The following CSMD1 variants were observed in gnomAD, a reference collection of about 807,000 sequenced individuals.
CSMD1 encodes CUB and sushi domain-containing protein 1.
A neutral mutation model predicts 417.5 loss-of-function variants in CSMD1; 213 were observed. The ratio of observed to expected loss-of-function variants is 0.51; its 90% CI spans 0.46 to 0.57. The LOEUF is 0.57. Ranked by LOEUF, CSMD1 falls within the 20% of genes least tolerant of loss-of-function variation. The probability of loss-of-function intolerance (pLI) is 0.00; values close to 1 mark genes in which losing one functional copy is unlikely to be tolerated. For missense variants in CSMD1, 6,923 were observed against 4,529.7 expected (o/e 1.53, Z -15.17); for synonymous variants, 2,862 against 1,736.8 (o/e 1.65, Z -16.11).
intron 2 of CSMD1, among the ~76,000 whole-genome samples, chr8:4,489,309 T>C (rs41378144): frequency 0.083 from 12,674 of 152,306 alleles, 779 homozygotes; most frequent in South Asian, 0.2. Flanking sequence ...GTCTCAAAGA[T>C]TCAATGCATA....
intron 10 of CSMD1, among the ~76,000 whole-genome samples, chr8:3,501,751 C>T (rs776087612): frequency 3.3e-5 from 5 of 152,142 alleles, no homozygotes; most frequent in Admixed American, 6.6e-5. Context: ...GCAAGAAGAA[C>T]GATTACACAT....
intron 3 of CSMD1, among the ~76,000 whole-genome samples, chr8:4,316,424 T>C (rs1798932704): frequency 6.6e-6 from 1 of 152,208 alleles, no homozygotes; most frequent in Non-Finnish European, 1.5e-5. Context: ...CTTCATATAT[T>C]AGGTTGATGT....
intron 8 of CSMD1, among the ~76,000 whole-genome samples, chr8:3,609,622 G>A (rs941782933): frequency 4.0e-5 from 6 of 151,610 alleles, no homozygotes; most frequent in South Asian, 2.1e-4. Flanking sequence ...TAACAAAACA[G>A]CCCCAAGTTA....
intron 3 of CSMD1, among the ~76,000 whole-genome samples, chr8:4,377,173 C>A (rs1434171848): frequency 6.6e-6 from 1 of 152,106 alleles, no homozygotes; most frequent in Admixed American, 6.5e-5. Context: ...GATTATAGTG[C>A]ATGGAATTGA....
At chr8:3,346,492 G>A (rs189059092) in intron 22 of CSMD1, among the ~76,000 whole-genome samples, 1 of 152,306 alleles carries the variant, frequency 6.6e-6, no homozygotes, top group African/African-American at 2.4e-5. Context: ...ACTTCTTCAT[G>A]ACAGTCCCTC....
At chr8:3,320,666 G>A (rs536618092) in intron 23 of CSMD1, among the ~76,000 whole-genome samples, 42 of 152,298 alleles carry the variant, frequency 2.8e-4, no homozygotes, top group Middle Eastern at 3.4e-3. Flanking sequence ...ACGCAAGAGC[G>A]CAGTTCCTCC....
chr8:4,815,737 T>C lies in CSMD1; in HGVS notation c.86-178179A>G, dbSNP rs188237192. Among the ~76,000 whole-genome samples, 29 of 150,394 alleles carry C rather than the reference T, an allele frequency of 1.9e-4. 1 individual carries two copies. Among genetic ancestry groups the C allele is most frequent in the African/African-American group, 7.1e-4 (29 of 40,990 alleles). ...AAAAAAAGAAGAGAAAGGAAACCTT[T>C]AAATCTTTTTAAAAGGAGTTTATAT... is the stretch of plus-strand genomic sequence containing the variant. On this transcript the variant is annotated intron_variant, in intron 1 of 69. Transcript: ENST00000635120.
At chr8:3,068,459 A>G (rs2128997170) in intron 49 of CSMD1, among the ~76,000 whole-genome samples, 1 of 152,346 alleles carries the variant, frequency 6.6e-6, no homozygotes, top group Non-Finnish European at 1.5e-5. Flanking sequence ...CATTAATGAC[A>G]TAATATTAAT....
At chr8:4,432,864 G>A (rs2915065) in intron 2 of CSMD1, among the ~76,000 whole-genome samples, 122,532 of 152,182 alleles carry the variant, frequency 0.81, 49,690 homozygotes, top group Middle Eastern at 0.88. Context: ...GTCTCCAACC[G>A]CGAGCCACGA....
chr8:4,053,009 T>C (rs1351094351), intron 3 of CSMD1, among the ~76,000 whole-genome samples: 2 of 152,162 alleles, frequency 1.3e-5, no homozygotes, highest in Non-Finnish European at 2.9e-5. Flanking sequence ...AGTGGCCTTA[T>C]ACTTTAGCAA....
chr8:4,437,096 A>G (rs1484203095), intron 2 of CSMD1, among the ~76,000 whole-genome samples: 1 of 152,154 alleles, frequency 6.6e-6, no homozygotes, highest in Non-Finnish European at 1.5e-5. Flanking sequence ...TTTCCGAAAA[A>G]ATGAATCCTA....
intron 9 of CSMD1, among the ~76,000 whole-genome samples, chr8:3,584,256 T>C (rs1800505616): frequency 6.6e-6 from 1 of 152,158 alleles, no homozygotes; most frequent in Admixed American, 6.5e-5. Flanking sequence ...AGGCACTCTT[T>C]GCCTGTGGAG....
intron 12 of CSMD1, among the ~76,000 whole-genome samples, chr8:3,428,527 T>C (rs987106853): frequency 3.3e-5 from 5 of 152,276 alleles, no homozygotes; most frequent in South Asian, 4.1e-4. Context: ...AAGACTTTCA[T>C]AGCAACCCTT....
At chr8:4,602,128 G>T (rs1295156668) in intron 2 of CSMD1, among the ~76,000 whole-genome samples, 1 of 152,140 alleles carries the variant, frequency 6.6e-6, no homozygotes, top group African/African-American at 2.4e-5. Flanking sequence ...AAATCTTTCT[G>T]CTCCCCCAGT....
chr8:4,579,274 T>C (rs906646714), intron 2 of CSMD1, among the ~76,000 whole-genome samples: 4 of 151,196 alleles, frequency 2.6e-5, no homozygotes, highest in African/African-American at 9.7e-5. Context: ...TATACATATA[T>C]ATATGTATAT....
intron 3 of CSMD1, among the ~76,000 whole-genome samples, chr8:4,292,122 T>C (rs531933112): frequency 1.3e-5 from 2 of 152,264 alleles, no homozygotes; most frequent in East Asian, 3.9e-4. Flanking sequence ...ACCCTGGCCA[T>C]ACCAACAACA....
At chr8:3,990,117 A>C (rs1563290986) in intron 5 of CSMD1, among the ~76,000 whole-genome samples, 1 of 152,178 alleles carries the variant, frequency 6.6e-6, no homozygotes, top group Non-Finnish European at 1.5e-5. Flanking sequence ...TAAATGAGAA[A>C]TTTATTTAAC....
chr8:4,550,861 G>C (rs1797839962), intron 2 of CSMD1, among the ~76,000 whole-genome samples: 1 of 152,232 alleles, frequency 6.6e-6, no homozygotes, highest in South Asian at 2.1e-4. Flanking sequence ...TGCTCTCCTT[G>C]AAATACTTTG....
At chr8:4,031,375 G>C (rs923694276) in intron 4 of CSMD1, among the ~76,000 whole-genome samples, 1 of 152,176 alleles carries the variant, frequency 6.6e-6, no homozygotes, top group Admixed American at 6.5e-5. Context: ...TTACATGCAT[G>C]GCAGCAGGCA....
Sources: allele counts gnomAD v4.1 joint callset (sites outside exome capture counted in the v4.1 genomes callset), GRCh38; gene constraint gnomAD v4.1.1; transcripts MANE v1.5; gene names NCBI Gene and HGNC (gene_info 2026-07-23, HGNC 2026-07-21).